UBXN6: variants seen among roughly 807,000 people sequenced by gnomAD.
UBXN6 encodes UBX domain-containing protein 6.
UBXN6 carries 44 observed loss-of-function variants against 51.4 expected under a neutral mutation model. That is an observed-to-expected ratio of 0.86 (90% confidence interval 0.67 to 1.10). The LOEUF (loss-of-function observed/expected upper bound fraction) is 1.10, where lower values mean the gene tolerates loss of function less well. Ranked by LOEUF, UBXN6 falls within the 50% of genes least tolerant of loss-of-function variation. The pLI is 0.00. For missense variants in UBXN6, 672 were observed against 596.1 expected (o/e 1.13, Z -1.32); for synonymous variants, 316 against 263.2 (o/e 1.20, Z -1.94).
At chr19:4,453,180 A>G (rs1974683100) in intron 3 of UBXN6, among the ~76,000 whole-genome samples, 1 of 152,100 alleles carries the variant, frequency 6.6e-6, no homozygotes. Context: ...TGAATAGTGG[A>G]AACTGTAACT....
At chr19:4,446,742 T>G (rs1599673850) in intron 7 of UBXN6, 23 bp from the exon 8 acceptor site, 1 of 1,609,288 alleles carries the variant, frequency 6.2e-7, no homozygotes. Context: ...AGGACATGGG[T>G]GTCACTGTGC....
intron 3 of UBXN6, among the ~76,000 whole-genome samples, 154 bp downstream of exon 3, chr19:4,453,304 A>G (rs1314197966): frequency 6.6e-6 from 1 of 152,138 alleles, no homozygotes; most frequent in Non-Finnish European, 1.5e-5. Context: ...GTCCCAGACA[A>G]CACCGTGTTC....
Position 4,446,414 on chromosome 19 carries a change from C to A in UBXN6, c.921-1G>T. The A allele has an allele frequency of 6.3e-7, 1 of 1,579,040 alleles. No homozygotes were observed. Among genetic ancestry groups the A allele is most frequent in the South Asian group, 1.1e-5 (1 of 88,650 alleles). On this transcript the variant is annotated splice_acceptor_variant, in intron 8 of 10. Transcript: ENST00000301281. LOFTEE classifies it high-confidence loss of function. ...GCTCAGCCGCTCCACCGCCTCGGAC[C>A]TGCACACGCGGGCCAGGTCACGAGG...
chr19:4,445,931 C>T, intron 10 of UBXN6, 118 bp downstream of exon 10: 1 of 1,467,102 alleles, frequency 6.8e-7, no homozygotes, highest in Non-Finnish European at 9.1e-7. Flanking sequence ...AACCCAGGGA[C>T]CTGCCCAGGC....
In UBXN6 at chr19:4,448,377, C is replaced by A. The variant is rs777310844; in HGVS notation, c.480G>T (p.Lys160Asn). 6.2e-7 allele frequency: 1 copy of A among 1,609,268 alleles called. No homozygotes were observed. The highest frequency in any genetic ancestry group is 8.5e-7 in the Non-Finnish European group (1 of 1,178,142). Reference sequence around the variant, plus strand: ...CCTGGTCTTTGTTGAACGTGTAGATCTTCATGATGGAGGCGGCCACTGGGT... The same window carrying A: ...CCTGGTCTTTGTTGAACGTGTAGATATTCATGATGGAGGCGGCCACTGGGT... ...STDPVAASIM[K>N]IYTFNKDQDR... The change falls in exon 5 of 11, where the codon AAG (lysine) becomes AAT (asparagine). Residue 160 changes from lysine to asparagine, a missense_variant. By Grantham distance (94) the Lys-to-Asn change is moderately conservative (BLOSUM62 0). Transcript: ENST00000301281.
At chr19:4,455,418 GC>G (rs1487602241) in intron 1 of UBXN6, 2 of 412,304 alleles carry the variant, frequency 4.9e-6, no homozygotes, top group Admixed American at 6.4e-5. Context: ...ACCCACCCCG[GC>G]CTCATCCGAT....
In UBXN6 at chr19:4,446,039, C is replaced by T. The variant is rs763844334; in HGVS notation, c.1200+10G>A. 38 of 1,604,744 alleles carry T rather than the reference C, an allele frequency of 2.4e-5. No individual in the cohort carries two copies. The highest frequency in any genetic ancestry group is 3.0e-5 in the Non-Finnish European group (35 of 1,175,632). ...TCGGGTCAGCGGTGCTCCTGCGGGC[C>T]GACACTCACCAGCCCGCACTCGTTC... On this transcript the variant is annotated intron_variant, in intron 10 of 10. Coordinates refer to ENST00000301281, the MANE Select transcript of UBXN6 (RefSeq NM_025241.3).
rs1599675663 is a variant in UBXN6, at chr19:4,448,037, G to T, written c.539+281C>A. The T allele has an allele frequency of 5.6e-6, 3 of 540,298 alleles. No individual in the cohort carries two copies. In the East Asian group the frequency reaches 9.4e-5, roughly 17 times the overall value. The allele number at this position is 540,298 out of a possible 1,614,324, so 33.5% of individuals were successfully genotyped here. Reference sequence around the variant, plus strand: ...CCCCCGATCCTGAGACCCGGGGAGTGGGGTGGGACCCTGCCTCCTCCACAT... The same window carrying T: ...CCCCCGATCCTGAGACCCGGGGAGTTGGGTGGGACCCTGCCTCCTCCACAT... On this transcript the variant is annotated intron_variant, in intron 5 of 10. Transcript: ENST00000301281.
intron 5 of UBXN6, 86 bp downstream of exon 5, chr19:4,448,232 G>A: frequency 8.1e-7 from 1 of 1,239,122 alleles, no homozygotes; most frequent in Non-Finnish European, 1.1e-6. Flanking sequence ...AGGTAATGAG[G>A]GGGCCAGAGG....
chr19:4,455,174 C>G lies in UBXN6; in HGVS notation c.84-1081G>C, dbSNP rs1257098873. ...AGCCCTTTCTCCCAACCTGCTCGGACGCGTCTGTCTCACCCGTCTCCTCTC... is the reference window on the plus strand; with the variant it reads ...AGCCCTTTCTCCCAACCTGCTCGGAGGCGTCTGTCTCACCCGTCTCCTCTC... On this transcript the variant is annotated intron_variant, in intron 1 of 10. Transcript: ENST00000301281. 4.1e-6 allele frequency: 4 copies of G among 981,178 alleles called. No homozygotes were observed. The African/African-American group carries it at 5.2e-5, about 13-fold the overall frequency. 60.8% of individuals were successfully genotyped at this position (981,178 alleles called of 1,614,324 possible).
intron 4 of UBXN6, 52 bp downstream of exon 4, chr19:4,452,312 T>C: frequency 2.5e-6 from 4 of 1,596,868 alleles, no homozygotes; most frequent in Non-Finnish European, 3.4e-6. Flanking sequence ...GGAGGGTGGC[T>C]CAGGCACAGG....
chr19:4,445,145 C>T lies in UBXN6; in HGVS notation c.*353G>A, dbSNP rs111988541. 2.6e-5 allele frequency: 7 copies of T among 264,640 alleles called. No individual in the cohort carries two copies. The highest frequency in any genetic ancestry group is 4.5e-5 in the African/African-American group (2 of 44,468). 16.4% of individuals were successfully genotyped at this position (264,640 alleles called of 1,614,324 possible). The stretch of plus-strand genomic sequence containing the variant: ...TGCCAGGTGCAGCCACTGCCACCCA[C>T]GGCACACGGGAACAGGACCCATGCT... On this transcript the variant is annotated 3_prime_UTR_variant, in exon 11 of 11. Transcript: ENST00000301281.
chr19:4,450,700 A>C (rs1188757311), intron 4 of UBXN6: 2 of 132,872 alleles, frequency 1.5e-5, no homozygotes, highest in Non-Finnish European at 3.1e-5. Flanking sequence ...CGGAGCTTGC[A>C]GTGAGCAGAG....
rs373839704 is a variant in UBXN6 at position 4,447,631 on chromosome 19, G to A, written c.540-6C>T. On this transcript the variant is annotated splice_polypyrimidine_tract_variant and splice_region_variant and intron_variant, in intron 5 of 10. Coordinates refer to ENST00000301281, the MANE Select transcript of UBXN6 (RefSeq NM_025241.3). The stretch of plus-strand genomic sequence containing the variant: ...GGTGGATGTTGTCCAGGTACCTGGG[G>A]TAGGTGGAGAAGGTGAGTGGGGCAC... The A allele has an allele frequency of 1.1e-5, 17 of 1,613,910 alleles. No homozygotes were observed. In the African/African-American group the frequency reaches 2.1e-4, roughly 20 times the overall value.
intron 2 of UBXN6, 93 bp downstream of exon 2, chr19:4,453,837 G>A (rs1256963163): frequency 2.1e-5 from 32 of 1,526,306 alleles, no homozygotes; most frequent in African/African-American, 5.5e-5. Flanking sequence ...ACACCCCCAC[G>A]GTTGCTCATG....
intron 4 of UBXN6, among the ~76,000 whole-genome samples, chr19:4,451,556 G>A: frequency 6.6e-6 from 1 of 152,118 alleles, no homozygotes; most frequent in East Asian, 1.9e-4. Flanking sequence ...GTTTTGCCAT[G>A]TTGCCCAGGC....
intron 6 of UBXN6, 52 bp downstream of exon 6, chr19:4,447,498 C>T (rs1378147021): frequency 6.2e-7 from 1 of 1,603,982 alleles, no homozygotes; most frequent in Non-Finnish European, 8.5e-7. Flanking sequence ...CTCCTGCAGG[C>T]CAGCTGCCCC....
At position 4,448,344 on chromosome 19, in the gene UBXN6, C is replaced by A; in HGVS notation, c.513G>T (p.Val171=). 1 of 1,609,746 alleles carries A rather than the reference C, an allele frequency of 6.2e-7. No homozygotes were observed. Residue 171 remains valine, a synonymous_variant, in exon 5 of 11, where the codon GTG becomes GTT. Coordinates refer to ENST00000301281, the MANE Select transcript of UBXN6 (RefSeq NM_025241.3). ...TGGCAATGGTGTCCACACCCAGCTT[C>A]ACCCGGTCCTGGTCTTTGTTGAACG... ...IYTFNKDQDR[V]KLGVDTIAKY... is the part of the protein sequence containing the mutation.
chr19:4,446,327 T>C lies in UBXN6; in HGVS notation c.1007A>G (p.Tyr336Cys), dbSNP rs1448813950. Residue 336 changes from tyrosine to cysteine, a missense_variant, in exon 9 of 11, where the codon TAC becomes TGC. Coordinates refer to ENST00000301281, the MANE Select transcript of UBXN6 (RefSeq NM_025241.3). ...GGGGAGGCGCACGCGCAGCAGCGTG[T>C]AGTTGTACTTGCGCAGCCCCCGCTG... ...EEQRGLRKYN[Y>C]TLLRVRLPDG... 1.3e-6 allele frequency: 2 copies of C among 1,574,128 alleles called. No homozygotes were observed. Among genetic ancestry groups the C allele is most frequent in the Non-Finnish European group, 1.7e-6 (2 of 1,166,030 alleles).
Sources: allele counts gnomAD v4.1 joint callset (sites outside exome capture counted in the v4.1 genomes callset), GRCh38; gene constraint gnomAD v4.1.1; transcripts MANE v1.5; gene names NCBI Gene and HGNC (gene_info 2026-07-23, HGNC 2026-07-21).